Variants in SLCO6A1 observed in about 807,000 individuals in gnomAD.
SLCO6A1 encodes the protein cancer/testis antigen 48.
SLCO6A1 carries 65 observed loss-of-function variants against 72.7 expected under a neutral mutation model. The ratio of observed to expected loss-of-function variants is 0.89; its 90% CI spans 0.73 to 1.10. The LOEUF (loss-of-function observed/expected upper bound fraction) is 1.10, where lower values mean the gene tolerates loss of function less well. Ranked by LOEUF, SLCO6A1 falls within the 50% of genes least tolerant of loss-of-function variation. The pLI is 0.00. For missense variants in SLCO6A1, 874 were observed against 872.6 expected (o/e 1.00, Z -0.02); for synonymous variants, 314 against 298.2 (o/e 1.05, Z -0.55).
At chr5:102,465,708 C>T (rs1313295588) in intron 4 of SLCO6A1, among the ~76,000 whole-genome samples, 1 of 152,102 alleles carries the variant, frequency 6.6e-6, no homozygotes, top group Non-Finnish European at 1.5e-5. Context: ...ATCACATCTT[C>T]CTTCATTCAC....
rs761498015 is a variant in SLCO6A1 at position 102,412,970 on chromosome 5, T to G, written c.1626+20A>C. The G allele has an allele frequency of 9.0e-7, 1 of 1,117,046 alleles. No homozygotes were observed. Among genetic ancestry groups the G allele is most frequent in the African/African-American group, 1.7e-5 (1 of 60,508 alleles). 69.2% of individuals were successfully genotyped at this position (1,117,046 alleles called of 1,614,324 possible). A position where few individuals can be genotyped will look rare whatever the true frequency, so the allele number is the denominator to read the frequency against. On this transcript the variant is annotated intron_variant, in intron 9 of 13. Coordinates refer to ENST00000506729, the MANE Select transcript of SLCO6A1 (RefSeq NM_173488.5). The stretch of plus-strand genomic sequence containing the variant: ...AATATAAATGTATAACAAAACATAA[T>G]AATTATAAAAAATAATTACCTTTTT...
At chr5:102,464,736 A>G (rs942108959) in intron 4 of SLCO6A1, among the ~76,000 whole-genome samples, 1 of 152,200 alleles carries the variant, frequency 6.6e-6, no homozygotes, top group Admixed American at 6.5e-5. Flanking sequence ...ATTGAGATTC[A>G]TCAGGAAAGG....
intron 11 of SLCO6A1, among the ~76,000 whole-genome samples, chr5:102,390,198 G>A (rs899797607): frequency 6.6e-6 from 1 of 152,062 alleles, no homozygotes. Flanking sequence ...CAGCCTTACT[G>A]GCTCCCTTTC....
At chr5:102,466,179 C>A (rs146917504) in intron 4 of SLCO6A1, among the ~76,000 whole-genome samples, 1 of 152,072 alleles carries the variant, frequency 6.6e-6, no homozygotes, top group South Asian at 2.1e-4. Flanking sequence ...TTCCTCCCCC[C>A]ACCCTCTGCC....
chr5:102,498,632 C>G lies in SLCO6A1; in HGVS notation c.213G>C (p.Lys71Asn), dbSNP rs1286615381. Residue 71 changes from lysine (K) to asparagine (N), a missense_variant, in exon 1 of 14, where the codon AAG (lysine) becomes AAC (asparagine). Lys to Asn is a moderately conservative substitution (Grantham distance 94). Coordinates refer to ENST00000506729, the MANE Select transcript of SLCO6A1 (RefSeq NM_173488.5). ...CTCCCGGCTTCTTGGAAACTGAGGA[C>G]TTGGCTTTTTTCCTTTTTCGGAAAC... ...FGGFRKRKKA[K>N]SSVSKKPGEV... is the part of the protein sequence containing the mutation. 1.9e-6 allele frequency: 3 copies of G among 1,614,120 alleles called. No individual in the cohort carries two copies. The highest frequency in any genetic ancestry group is 2.7e-5 in the African/African-American group (2 of 74,946).
intron 9 of SLCO6A1, among the ~76,000 whole-genome samples, chr5:102,401,220 G>A (rs962014684): frequency 6.6e-6 from 1 of 152,038 alleles, no homozygotes; most frequent in Non-Finnish European, 1.5e-5. Context: ...AAGCCTTGTG[G>A]TAGAGCTTGC....
At chr5:102,438,783 T>C (rs1021146273) in intron 6 of SLCO6A1, 22 bp from the exon 7 acceptor site, 1 of 1,463,108 alleles carries the variant, frequency 6.8e-7, no homozygotes, top group Non-Finnish European at 9.1e-7. Flanking sequence ...ATAAGTTATA[T>C]ATCTATTATT....
At chr5:102,402,549 G>A (rs1336037420) in intron 9 of SLCO6A1, among the ~76,000 whole-genome samples, 1 of 152,092 alleles carries the variant, frequency 6.6e-6, no homozygotes, top group East Asian at 1.9e-4. Context: ...AATTCTGAAG[G>A]CTGGCAAGTC....
chr5:102,405,895 G>A (rs1469210518), intron 9 of SLCO6A1, among the ~76,000 whole-genome samples: 1 of 151,842 alleles, frequency 6.6e-6, no homozygotes, highest in African/African-American at 2.4e-5. Flanking sequence ...ATGTTACTGG[G>A]GAAAAGTAAA....
Position 102,423,504 on chromosome 5 carries a change from C to G in SLCO6A1, c.1277-3483G>C, listed in dbSNP as rs543524950. 1.9e-3 allele frequency among the ~76,000 whole-genome samples: 284 copies of G among 152,030 alleles called. 1 individual carries two copies. Among genetic ancestry groups the G allele is most frequent in the African/African-American group, 6.5e-3 (271 of 41,466 alleles). ...GTCTCTGATAAAACAGACTTTAAACCAACAAAGATCAAAAAAGCCAAAGAA... is the reference window on the plus strand; with the variant it reads ...GTCTCTGATAAAACAGACTTTAAACGAACAAAGATCAAAAAAGCCAAAGAA... On this transcript the variant is annotated intron_variant, in intron 7 of 13. Transcript: ENST00000506729.
Position 102,434,240 on chromosome 5 carries a change from A to T in SLCO6A1, c.1276+4377T>A, listed in dbSNP as rs919532779. Among the ~76,000 whole-genome samples, 5 of 152,166 alleles carry T rather than the reference A, an allele frequency of 3.3e-5. No homozygotes were observed. The East Asian group carries it at 9.7e-4, about 29-fold the overall frequency. On this transcript the variant is annotated intron_variant, in intron 7 of 13. Coordinates refer to ENST00000506729, the MANE Select transcript of SLCO6A1 (RefSeq NM_173488.5). ...AGGATAGTATTTCCACGTAGAGCAC[A>T]GGACAACTTTGCTTAGAATTTTGGA...
chr5:102,472,526 G>T (rs999898233), intron 4 of SLCO6A1, among the ~76,000 whole-genome samples: 2 of 152,022 alleles, frequency 1.3e-5, no homozygotes, highest in Admixed American at 6.6e-5. Flanking sequence ...AAGAAAAGTT[G>T]AGGAGGAGGT....
At chr5:102,391,771 G>C (rs1409811997) in intron 10 of SLCO6A1, among the ~76,000 whole-genome samples, 1 of 151,638 alleles carries the variant, frequency 6.6e-6, no homozygotes, top group Non-Finnish European at 1.5e-5. Context: ...CTAATTTGAG[G>C]GTGCCCCCTC....
chr5:102,377,794 C>G (rs1216373494), intron 12 of SLCO6A1, among the ~76,000 whole-genome samples: 1 of 151,840 alleles, frequency 6.6e-6, no homozygotes, highest in Non-Finnish European at 1.5e-5. Context: ...ACCTCAGCTT[C>G]CCGAGTATCT....
intron 9 of SLCO6A1, among the ~76,000 whole-genome samples, chr5:102,401,475 G>C (rs1448084607): frequency 1.3e-5 from 2 of 152,108 alleles, no homozygotes; most frequent in Admixed American, 1.3e-4. Context: ...TTTGAAATAT[G>C]TAGGCAAGGG....
At chr5:102,397,360 T>C (rs977793655) in intron 10 of SLCO6A1, among the ~76,000 whole-genome samples, 1 of 152,150 alleles carries the variant, frequency 6.6e-6, no homozygotes, top group Non-Finnish European at 1.5e-5. Context: ...ATCTCTTCTA[T>C]TGATATAGTA....
At chr5:102,406,740 T>A (rs986877090) in intron 9 of SLCO6A1, among the ~76,000 whole-genome samples, 2 of 152,138 alleles carry the variant, frequency 1.3e-5, no homozygotes, top group African/African-American at 4.8e-5. Context: ...CAGAGATTTG[T>A]ATTCTAAAAA....
intron 6 of SLCO6A1, among the ~76,000 whole-genome samples, chr5:102,446,600 C>T (rs1242223560): frequency 6.6e-6 from 1 of 152,068 alleles, no homozygotes; most frequent in Non-Finnish European, 1.5e-5. Flanking sequence ...CTATGTTGAA[C>T]AGGAGTGGTG....
chr5:102,436,006 A>C (rs1749514935), intron 7 of SLCO6A1, among the ~76,000 whole-genome samples: 1 of 152,196 alleles, frequency 6.6e-6, no homozygotes, highest in Non-Finnish European at 1.5e-5. Context: ...TCTACTACAC[A>C]GACTGATTAC....
Sources: allele counts gnomAD v4.1 joint callset (sites outside exome capture counted in the v4.1 genomes callset), GRCh38; gene constraint gnomAD v4.1.1; transcripts MANE v1.5; gene names NCBI Gene and HGNC (gene_info 2026-07-23, HGNC 2026-07-21).